MRAP2: variants seen among roughly 807,000 people sequenced by gnomAD.
The protein encoded by MRAP2 is melanocortin 2 receptor accessory protein 2.
A neutral mutation model predicts 17.4 loss-of-function variants in MRAP2; 20 were observed. That is an observed-to-expected ratio of 1.15 (90% CI 0.81 to 1.67). The LOEUF (loss-of-function observed/expected upper bound fraction) is 1.67. MRAP2 is among the 40% of genes most tolerant of loss of function. MRAP2 has a pLI of 0.00. For synonymous variants in MRAP2, 96 were observed against 88.4 expected (o/e 1.09, Z -0.48); for missense variants, 238 against 240.0 (o/e 0.99, Z 0.05).
intron 1 of MRAP2, among the ~76,000 whole-genome samples, chr6:84,048,462 A>C (rs942998617): frequency 2.0e-5 from 3 of 152,238 alleles, no homozygotes; most frequent in Admixed American, 2.0e-4. Flanking sequence ...ACCTAACTAT[A>C]ATAAAAGTGG....
intron 3 of MRAP2, among the ~76,000 whole-genome samples, chr6:84,073,898 T>C (rs549413757): frequency 7.2e-4 from 109 of 151,644 alleles, no homozygotes; most frequent in African/African-American, 2.6e-3. Flanking sequence ...GTTTTTTTTT[T>C]TTTTTCTCAT....
chr6:84,074,304 C>A (rs2099497051), intron 3 of MRAP2, among the ~76,000 whole-genome samples: 1 of 152,076 alleles, frequency 6.6e-6, no homozygotes, highest in Admixed American at 6.6e-5. Flanking sequence ...AGGACCAACA[C>A]CTTTGAATTC....
chr6:84,062,465 C>T (rs1752934917), intron 2 of MRAP2: 1 of 881,246 alleles, frequency 1.1e-6, no homozygotes, highest in Non-Finnish European at 1.4e-6. Flanking sequence ...GTTTTCCTTG[C>T]ACAGTTAATA....
At chr6:84,108,929 G>A in the MRAP2 span, among the ~76,000 whole-genome samples, 1 of 152,110 alleles carries the variant, frequency 6.6e-6, no homozygotes, top group East Asian at 1.9e-4. Context: ...ATTCAATAAG[G>A]AATCCTTTCC....
intron 1 of MRAP2, among the ~76,000 whole-genome samples, chr6:84,041,787 T>C (rs1339603726): frequency 6.6e-6 from 1 of 152,268 alleles, no homozygotes; most frequent in Non-Finnish European, 1.5e-5. Context: ...CCCCATTGTA[T>C]CTAGGAAGTA....
chr6:84,120,774 C>CATTA, the MRAP2 span, among the ~76,000 whole-genome samples: 1 of 152,102 alleles, frequency 6.6e-6, no homozygotes, highest in Non-Finnish European at 1.5e-5. Flanking sequence ...TGCAGCTATA[C>CATTA]ATTAATAGGC....
chr6:84,116,136 G>T, the MRAP2 span, among the ~76,000 whole-genome samples: 1 of 152,064 alleles, frequency 6.6e-6, no homozygotes, highest in African/African-American at 2.4e-5. Context: ...CTTGCTGACT[G>T]CCCTGGCCAG....
At chr6:84,142,968 T>G in the MRAP2 span, among the ~76,000 whole-genome samples, 1 of 152,200 alleles carries the variant, frequency 6.6e-6, no homozygotes, top group South Asian at 2.1e-4. Context: ...CCAAGCATAA[T>G]TGTTAATAAC....
chr6:84,094,066 A>T (rs1458213379), downstream of MRAP2, among the ~76,000 whole-genome samples: 1 of 152,222 alleles, frequency 6.6e-6, no homozygotes. Context: ...TCCTGGATAT[A>T]TCACAGAAAC....
intron 2 of MRAP2, 75 bp downstream of exon 2, chr6:84,055,520 C>G: frequency 7.0e-7 from 1 of 1,432,846 alleles, no homozygotes; most frequent in Non-Finnish European, 9.6e-7. Flanking sequence ...AGGATTACTT[C>G]TCCTGAGCAT....
chr6:84,086,674 T>C (rs538528028), intron 3 of MRAP2, among the ~76,000 whole-genome samples: 8 of 152,110 alleles, frequency 5.3e-5, no homozygotes, highest in African/African-American at 1.7e-4. Flanking sequence ...TACCAAGGGA[T>C]CATCGGGAGG....
At chr6:84,099,216 G>C in the MRAP2 span, among the ~76,000 whole-genome samples, 1 of 142,036 alleles carries the variant, frequency 7.0e-6, no homozygotes, top group Non-Finnish European at 1.5e-5. Flanking sequence ...ATATCTAATC[G>C]TTCCAGCATG....
At chr6:84,075,669 A>G (rs1202686914) in intron 3 of MRAP2, among the ~76,000 whole-genome samples, 1 of 152,190 alleles carries the variant, frequency 6.6e-6, no homozygotes, top group Admixed American at 6.5e-5. Context: ...TTGAAAAATT[A>G]TCAAACCCCA....
downstream of MRAP2, among the ~76,000 whole-genome samples, chr6:84,093,531 G>A (rs947910063): frequency 3.9e-4 from 59 of 151,362 alleles, no homozygotes; most frequent in African/African-American, 1.4e-3. Context: ...CAAAGAGAAA[G>A]AGAAAGCTTT....
intron 2 of MRAP2, 71 bp downstream of exon 2, chr6:84,055,516 A>G: frequency 1.9e-5 from 28 of 1,458,458 alleles, no homozygotes; most frequent in Non-Finnish European, 2.6e-5. Flanking sequence ...CCCAAGGATT[A>G]CTTCTCCTGA....
the MRAP2 span, among the ~76,000 whole-genome samples, chr6:84,101,741 A>T: frequency 6.6e-6 from 1 of 152,228 alleles, no homozygotes; most frequent in Non-Finnish European, 1.5e-5. Flanking sequence ...GTTAAAGAAA[A>T]TTTATATTAA....
chr6:84,086,897 C>CAGCCCAGA (rs996518338), intron 3 of MRAP2, among the ~76,000 whole-genome samples: 3 of 152,204 alleles, frequency 2.0e-5, no homozygotes, highest in African/African-American at 7.2e-5. Context: ...CAGCCACACA[C>CAGCCCAGA]AGCTGGGCTT....
At chr6:84,130,567 C>T in the MRAP2 span, among the ~76,000 whole-genome samples, 20,733 of 152,160 alleles carry the variant, frequency 0.14, 3,953 homozygotes, top group African/African-American at 0.43. Context: ...GATTCGACTT[C>T]TTCCTCGTTT....
chr6:84,119,445 G>A, the MRAP2 span, among the ~76,000 whole-genome samples: 4 of 152,184 alleles, frequency 2.6e-5, no homozygotes, highest in Admixed American at 6.5e-5. Context: ...TCAGCTGACT[G>A]CATGATGAGG....
Sources: gnomAD v4.1 joint callset for allele counts (sites outside exome capture counted in the v4.1 genomes callset) on GRCh38, gnomAD v4.1.1 for gene constraint, MANE v1.5 for transcripts, NCBI Gene and HGNC (gene_info 2026-07-23, HGNC 2026-07-21) for gene names.